ADAMTSL3: variants seen among roughly 807,000 people sequenced by gnomAD.
ADAMTSL3 encodes ADAMTS like 3, also known as ADAMTS-like protein 3.
A neutral mutation model predicts 201.7 loss-of-function variants in ADAMTSL3; 128 were observed. The observed-to-expected ratio is 0.63, with a 90% CI of 0.55 to 0.73. The LOEUF (loss-of-function observed/expected upper bound fraction) is 0.73, where lower values mean the gene tolerates loss of function less well. Among genes scored for constraint, ADAMTSL3 ranks in the 30% least tolerant of loss-of-function variants. ADAMTSL3 has a pLI of 0.00. For synonymous variants in ADAMTSL3, 738 were observed against 748.4 expected (o/e 0.99, Z 0.23); for missense variants, 1,990 against 2,119.6 (o/e 0.94, Z 1.20).
chr15:83,881,719 A>G (rs1421432170), intron 9 of ADAMTSL3, among the ~76,000 whole-genome samples: 3 of 151,976 alleles, frequency 2.0e-5, no homozygotes, highest in Non-Finnish European at 2.9e-5. Context: ...GCTAGGCATG[A>G]TAGTGTGCGC....
intron 20 of ADAMTSL3, among the ~76,000 whole-genome samples, chr15:83,972,696 C>G (rs533857884): frequency 6.6e-6 from 1 of 152,250 alleles, no homozygotes; most frequent in Admixed American, 6.5e-5. Flanking sequence ...CCACTCCTGC[C>G]TGCCAAACAT....
chr15:83,698,590 G>A (rs2061719951), intron 2 of ADAMTSL3, among the ~76,000 whole-genome samples: 1 of 151,114 alleles, frequency 6.6e-6, no homozygotes, highest in East Asian at 1.9e-4. Context: ...TAAGGGCCCT[G>A]ACCCCTTTGG....
intron 23 of ADAMTSL3, among the ~76,000 whole-genome samples, chr15:83,994,799 G>A (rs1455975767): frequency 9.8e-4 from 5 of 5,088 alleles, no homozygotes; most frequent in East Asian, 0.036. Context: ...AGTAGAGACG[G>A]GGGTTTCACC....
At chr15:84,025,976 T>C (rs1282284639) in intron 27 of ADAMTSL3, among the ~76,000 whole-genome samples, 2 of 152,230 alleles carry the variant, frequency 1.3e-5, no homozygotes, top group East Asian at 1.9e-4. Flanking sequence ...ATGCACGTAA[T>C]ACAATTCCTA....
chr15:83,880,144 T>A (rs1466314611), intron 9 of ADAMTSL3, among the ~76,000 whole-genome samples: 1 of 152,020 alleles, frequency 6.6e-6, no homozygotes, highest in East Asian at 1.9e-4. Flanking sequence ...GGTCCAGGTG[T>A]CTCATGAATC....
At chr15:83,868,913 A>G (rs1312582650) in intron 8 of ADAMTSL3, among the ~76,000 whole-genome samples, 1 of 152,130 alleles carries the variant, frequency 6.6e-6, no homozygotes, top group East Asian at 1.9e-4. Context: ...GGGAATGGAT[A>G]TCGTAGCAAC....
intron 3 of ADAMTSL3, among the ~76,000 whole-genome samples, chr15:83,744,769 A>G (rs1299847333): frequency 2.0e-5 from 3 of 152,182 alleles, no homozygotes; most frequent in Non-Finnish European, 2.9e-5. Flanking sequence ...ATGAGCATTA[A>G]TTTTCAGTCA....
chr15:83,760,968 T>A (rs1186252149), intron 3 of ADAMTSL3, among the ~76,000 whole-genome samples: 1 of 152,188 alleles, frequency 6.6e-6, no homozygotes, highest in African/African-American at 2.4e-5. Context: ...GTAATTGATA[T>A]ATGTGCATTT....
At chr15:83,933,157 C>A (rs989322605) in intron 17 of ADAMTSL3, among the ~76,000 whole-genome samples, 4 of 151,890 alleles carry the variant, frequency 2.6e-5, no homozygotes, top group Non-Finnish European at 4.4e-5. Context: ...CTGGAGTAAA[C>A]AGGTAAAATG....
chr15:83,783,091 A>G (rs2063202430), intron 4 of ADAMTSL3, among the ~76,000 whole-genome samples: 1 of 148,978 alleles, frequency 6.7e-6, no homozygotes, highest in Admixed American at 6.8e-5. Flanking sequence ...GTAGAACTTT[A>G]AAAACATAGA....
At chr15:84,013,589 C>T (rs545299191) in intron 23 of ADAMTSL3, among the ~76,000 whole-genome samples, 7 of 152,124 alleles carry the variant, frequency 4.6e-5, no homozygotes, top group Non-Finnish European at 5.9e-5. Context: ...CCCTGAGGAA[C>T]ATGATGAAAC....
intron 7 of ADAMTSL3, among the ~76,000 whole-genome samples, chr15:83,850,935 C>T (rs948600593): frequency 2.0e-5 from 3 of 152,166 alleles, no homozygotes; most frequent in Non-Finnish European, 4.4e-5. Flanking sequence ...CTTGAGTTCT[C>T]CCTCTCTATA....
intron 15 of ADAMTSL3, among the ~76,000 whole-genome samples, chr15:83,911,785 C>G (rs973786688): frequency 9.2e-5 from 14 of 152,212 alleles, no homozygotes; most frequent in Non-Finnish European, 1.3e-4. Context: ...GAGAACCTTA[C>G]AACCCTGTCT....
At chr15:83,743,227 T>C (rs2062485043) in intron 3 of ADAMTSL3, among the ~76,000 whole-genome samples, 1 of 152,246 alleles carries the variant, frequency 6.6e-6, no homozygotes, top group Non-Finnish European at 1.5e-5. Flanking sequence ...ATTTACTTTT[T>C]CTGATTTGAA....
At chr15:83,956,587 A>G (rs900634851) in intron 19 of ADAMTSL3, among the ~76,000 whole-genome samples, 45 of 152,076 alleles carry the variant, frequency 3.0e-4, no homozygotes, top group African/African-American at 1.1e-3. Context: ...TTACTCTTAT[A>G]TTATGACCCA....
rs375915529 is a variant in ADAMTSL3, at chr15:83,885,513, C to A, written c.1072+301C>A. ...GTTACTGCATTTCTCTTCTTGATTG[C>A]CCTTAAAGTACGTATTATTTTTAAT... On this transcript the variant is annotated intron_variant, in intron 10 of 29. Coordinates refer to ENST00000286744, the MANE Select transcript of ADAMTSL3 (RefSeq NM_207517.3). Among the ~76,000 whole-genome samples, 4 of 151,496 alleles carry A rather than the reference C, an allele frequency of 2.6e-5. No homozygotes were observed. The East Asian group carries it at 5.8e-4, about 22-fold the overall frequency.
intron 6 of ADAMTSL3, among the ~76,000 whole-genome samples, chr15:83,835,920 T>C (rs757200719): frequency 6.6e-6 from 1 of 152,242 alleles, no homozygotes; most frequent in South Asian, 2.1e-4. Flanking sequence ...ACCAACACTA[T>C]ATACTAGCTG....
intron 14 of ADAMTSL3, 122 bp from the exon 15 acceptor site, chr15:83,899,525 C>G (rs2065682929): frequency 1.1e-6 from 1 of 906,494 alleles, no homozygotes; most frequent in South Asian, 1.7e-5. Flanking sequence ...CTAAGGAACT[C>G]AACTTGCATT....
chr15:83,673,625 G>A (rs910747628), intron 2 of ADAMTSL3, among the ~76,000 whole-genome samples: 22 of 152,184 alleles, frequency 1.4e-4, no homozygotes, highest in Non-Finnish European at 3.1e-4. Flanking sequence ...TCCACTCTAG[G>A]AATAACCAAG....
Sources: gnomAD v4.1 joint callset for allele counts (sites outside exome capture counted in the v4.1 genomes callset) on GRCh38, gnomAD v4.1.1 for gene constraint, MANE v1.5 for transcripts, NCBI Gene and HGNC (gene_info 2026-07-23, HGNC 2026-07-21) for gene names.